Variants in TRAPPC9 observed in about 807,000 individuals in gnomAD.
TRAPPC9 encodes trafficking protein particle complex subunit 9, also known as IKK2 binding protein.
Under a neutral mutation model 124.0 loss-of-function variants are expected in TRAPPC9, and 83 were observed. The ratio of observed to expected loss-of-function variants is 0.67; its 90% CI spans 0.56 to 0.80. The LOEUF (loss-of-function observed/expected upper bound fraction) is 0.80. Among genes scored for constraint, TRAPPC9 ranks in the 30% least tolerant of loss-of-function variants. TRAPPC9 has a pLI of 0.00. For synonymous variants in TRAPPC9, 638 were observed against 617.5 expected (o/e 1.03, Z -0.49); for missense variants, 1,302 against 1,508.3 (o/e 0.86, Z 2.27).
At chr8:139,872,424 ATGGG>A (rs1563880198) in intron 21 of TRAPPC9, among the ~76,000 whole-genome samples, 8 of 80,868 alleles carry the variant, frequency 9.9e-5, no homozygotes, top group Non-Finnish European at 2.1e-4. Flanking sequence ...GGATGGATGG[ATGGG>A]CTGGTGGATG....
chr8:140,278,156 A>C (rs7013149), intron 14 of TRAPPC9, among the ~76,000 whole-genome samples: 109,196 of 151,900 alleles, frequency 0.72, 40,230 homozygotes, highest in Middle Eastern at 0.83. Flanking sequence ...CAGGCTGGAG[A>C]GCAGTGGCAC....
chr8:140,254,045 G>A (rs1017300830), intron 15 of TRAPPC9, among the ~76,000 whole-genome samples: 1 of 152,174 alleles, frequency 6.6e-6, no homozygotes, highest in Admixed American at 6.5e-5. Flanking sequence ...GACATGGGGA[G>A]GCCACTGCTG....
intron 19 of TRAPPC9, chr8:139,932,746 A>G (rs1563932098): frequency 2.3e-5 from 8 of 352,938 alleles, no homozygotes; most frequent in Non-Finnish European, 4.5e-5. Context: ...CCTGGGCAAC[A>G]GAATGAGACT....
At chr8:140,035,586 C>A (rs6578060) in intron 17 of TRAPPC9, among the ~76,000 whole-genome samples, 3 of 152,002 alleles carry the variant, frequency 2.0e-5, no homozygotes, top group Admixed American at 1.3e-4. Context: ...TCAGGACTTC[C>A]CCATCCTATC....
Position 140,457,741 on chromosome 8 carries a change from T to G in TRAPPC9, c.-113A>C, listed in dbSNP as rs2948172. 561,416 of 992,968 alleles carry G rather than the reference T, an allele frequency of 0.57. 159,035 individuals are homozygous for G. The highest frequency in any genetic ancestry group is 0.57 in the Non-Finnish European group (474,084 of 834,618). 61.5% of individuals were successfully genotyped at this position (992,968 alleles called of 1,614,324 possible). On this transcript the variant is annotated 5_prime_UTR_variant, in exon 1 of 23. Coordinates refer to ENST00000438773, the MANE Select transcript of TRAPPC9 (RefSeq NM_001160372.4). The stretch of plus-strand genomic sequence containing the variant: ...TCCCAGGCTCTGGGCTGGCGCTTCC[T>G]ACTGGCGGCCGAGCCGGCGCTGCTC...
At chr8:140,135,538 A>C (rs1012733872) in intron 17 of TRAPPC9, among the ~76,000 whole-genome samples, 9 of 152,248 alleles carry the variant, frequency 5.9e-5, no homozygotes, top group Non-Finnish European at 1.3e-4. Context: ...CAGGCACAAA[A>C]GGACAAATAC....
intron 21 of TRAPPC9, among the ~76,000 whole-genome samples, chr8:139,838,149 C>T (rs939230593): frequency 3.9e-5 from 6 of 152,194 alleles, no homozygotes; most frequent in African/African-American, 1.4e-4. Flanking sequence ...CTGGATGCAC[C>T]GCTCTCCATC....
chr8:140,103,830 C>T (rs909625006), intron 17 of TRAPPC9, among the ~76,000 whole-genome samples: 2 of 152,026 alleles, frequency 1.3e-5, no homozygotes, highest in African/African-American at 4.8e-5. Flanking sequence ...CAAGAGTTAC[C>T]CAGCTAAGAA....
At chr8:139,955,802 G>C (rs1026057952) in intron 19 of TRAPPC9, among the ~76,000 whole-genome samples, 9 of 152,092 alleles carry the variant, frequency 5.9e-5, no homozygotes, top group Non-Finnish European at 1.3e-4. Flanking sequence ...GTCCACTAAC[G>C]TCGAGGAATC....
intron 17 of TRAPPC9, among the ~76,000 whole-genome samples, chr8:140,025,604 A>T (rs187104515): frequency 2.8e-4 from 43 of 152,182 alleles, no homozygotes; most frequent in Admixed American, 7.2e-4. Flanking sequence ...AAAAAAAGGA[A>T]ATCAAAGCTT....
At chr8:140,020,290 C>T (rs1468772101) in intron 18 of TRAPPC9, among the ~76,000 whole-genome samples, 1 of 152,142 alleles carries the variant, frequency 6.6e-6, no homozygotes, top group East Asian at 1.9e-4. Context: ...TTTTGCTATC[C>T]TTATCTAATA....
At chr8:140,221,654 T>A in intron 16 of TRAPPC9, 71 bp from the exon 17 acceptor site, 1 of 1,537,176 alleles carries the variant, frequency 6.5e-7, no homozygotes, top group Non-Finnish European at 8.8e-7. Context: ...GTTGTTGTTG[T>A]TTGGGACGGG....
Position 140,287,606 on chromosome 8 carries a change from A to T in TRAPPC9, c.1981+2T>A, listed in dbSNP as rs2065525734. On this transcript the variant is annotated splice_donor_variant, in intron 13 of 22. Transcript: ENST00000438773. LOFTEE classifies it high-confidence loss of function. ...CAGGAAGCATGAAGGGACTCTCCTT[A>T]CCGTTCACAGTAATCGTTCCAGTCG... is the stretch of plus-strand genomic sequence containing the variant. 6.2e-7 allele frequency: 1 copy of T among 1,613,914 alleles called. No individual in the cohort carries two copies. The highest frequency in any genetic ancestry group is 1.3e-5 in the African/African-American group (1 of 74,896).
intron 19 of TRAPPC9, among the ~76,000 whole-genome samples, chr8:139,938,192 TG>T (rs532331658): frequency 1.0e-3 from 156 of 152,338 alleles, no homozygotes; most frequent in African/African-American, 3.7e-3. Context: ...TTTGGGAACC[TG>T]ACAAAGCTGC....
chr8:140,425,688 T>C (rs773140141), intron 5 of TRAPPC9, among the ~76,000 whole-genome samples: 6 of 151,952 alleles, frequency 3.9e-5, no homozygotes, highest in Non-Finnish European at 7.3e-5. Flanking sequence ...ACTGGTCAAA[T>C]ACCAGTACAT....
chr8:139,968,678 C>T (rs1835869939), intron 19 of TRAPPC9, among the ~76,000 whole-genome samples: 2 of 152,204 alleles, frequency 1.3e-5, no homozygotes, highest in Admixed American at 1.3e-4. Flanking sequence ...GAGCGACTAC[C>T]ACTTACGGAT....
At chr8:140,310,095 A>G (rs1171248720) in intron 10 of TRAPPC9, among the ~76,000 whole-genome samples, 11 of 152,196 alleles carry the variant, frequency 7.2e-5, no homozygotes, top group East Asian at 3.9e-4. Flanking sequence ...CTTGCCTTCA[A>G]AGAATGCAGG....
intron 21 of TRAPPC9, among the ~76,000 whole-genome samples, chr8:139,885,140 G>A (rs1829920651): frequency 6.6e-6 from 1 of 152,192 alleles, no homozygotes; most frequent in Non-Finnish European, 1.5e-5. Flanking sequence ...CTGTCTGCAG[G>A]GGATCCAAAA....
At chr8:139,871,496 C>T (rs553081482) in intron 21 of TRAPPC9, among the ~76,000 whole-genome samples, 26 of 152,222 alleles carry the variant, frequency 1.7e-4, no homozygotes, top group Non-Finnish European at 3.4e-4. Context: ...ACTAGGAGCA[C>T]ACCAGTTGGC....
Sources: allele counts gnomAD v4.1 joint callset (sites outside exome capture counted in the v4.1 genomes callset), GRCh38; gene constraint gnomAD v4.1.1; transcripts MANE v1.5; gene names NCBI Gene and HGNC (gene_info 2026-07-23, HGNC 2026-07-21).